DCC: variants seen among roughly 807,000 people sequenced by gnomAD.
The protein encoded by DCC is netrin receptor DCC.
DCC carries 58 observed loss-of-function variants against 172.5 expected under a neutral mutation model. The ratio of observed to expected loss-of-function variants is 0.34; its 90% CI spans 0.27 to 0.42. The LOEUF is 0.42. Ranked by LOEUF, DCC falls within the 10% of genes least tolerant of loss-of-function variation. The pLI is 1.00. For synonymous variants in DCC, 709 were observed against 644.5 expected (o/e 1.10, Z -1.52); for missense variants, 1,740 against 1,791.0 (o/e 0.97, Z 0.51).
At chr18:52,883,372 GTGTGTGTGTGTGTGTGTGTGAGA>G (rs2039520379) in intron 2 of DCC, among the ~76,000 whole-genome samples, 2 of 124,652 alleles carry the variant, frequency 1.6e-5, no homozygotes, top group East Asian at 2.6e-4. Flanking sequence ...GTGTGTGTGT[GTGTGTGTGTGTGTGTGTGTGAGA>G]TCTCTTTCTG....
chr18:53,232,580 C>G (rs899014847), intron 12 of DCC, among the ~76,000 whole-genome samples: 2 of 152,096 alleles, frequency 1.3e-5, no homozygotes, highest in Non-Finnish European at 2.9e-5. Flanking sequence ...TACATTAACC[C>G]CACTGCTACA....
At chr18:52,457,464 C>T (rs1309802241) in intron 1 of DCC, among the ~76,000 whole-genome samples, 1 of 152,144 alleles carries the variant, frequency 6.6e-6, no homozygotes, top group African/African-American at 2.4e-5. Flanking sequence ...GTCACCAACA[C>T]AGTGATGGAA....
intron 5 of DCC, among the ~76,000 whole-genome samples, chr18:53,010,112 G>T (rs1568242416): frequency 6.6e-6 from 1 of 151,850 alleles, no homozygotes; most frequent in Non-Finnish European, 1.5e-5. Flanking sequence ...ATTAATCTCT[G>T]CAAAAATCTA....
At chr18:52,786,785 G>T (rs951126257) in intron 2 of DCC, among the ~76,000 whole-genome samples, 14 of 152,112 alleles carry the variant, frequency 9.2e-5, no homozygotes, top group Non-Finnish European at 4.4e-5. Context: ...TGTGGGGACT[G>T]TGTAGACAAG....
intron 1 of DCC, among the ~76,000 whole-genome samples, chr18:52,422,820 A>G (rs966150318): frequency 3.9e-5 from 6 of 152,170 alleles, no homozygotes; most frequent in African/African-American, 1.2e-4. Context: ...AAGTGAACCC[A>G]AAGAAGGGTG....
At chr18:52,433,946 T>C (rs1987707070) in intron 1 of DCC, among the ~76,000 whole-genome samples, 1 of 152,102 alleles carries the variant, frequency 6.6e-6, no homozygotes, top group Non-Finnish European at 1.5e-5. Context: ...CATAAGACCA[T>C]GGTGGTTAAA....
At chr18:52,736,295 A>AC (rs1568071822) in intron 1 of DCC, among the ~76,000 whole-genome samples, 2 of 151,516 alleles carry the variant, frequency 1.3e-5, no homozygotes, top group African/African-American at 2.4e-5. Context: ...AAAAAAAAAA[A>AC]CAGAAAAATC....
intron 5 of DCC, among the ~76,000 whole-genome samples, chr18:52,991,734 T>C (rs2145623242): frequency 6.6e-6 from 1 of 152,304 alleles, no homozygotes; most frequent in Non-Finnish European, 1.5e-5. Context: ...ATGGTAACAT[T>C]CCTGCTTCTA....
chr18:52,663,021 A>T (rs1233558658), intron 1 of DCC, among the ~76,000 whole-genome samples: 1 of 152,334 alleles, frequency 6.6e-6, no homozygotes, highest in East Asian at 1.9e-4. Context: ...AAACATTCAG[A>T]CCATACCATT....
chr18:53,437,736 C>T (rs560542504), intron 22 of DCC, among the ~76,000 whole-genome samples: 3 of 152,244 alleles, frequency 2.0e-5, no homozygotes, highest in South Asian at 2.1e-4. Context: ...AGCTCACTCT[C>T]GTGCTCCAAA....
intron 9 of DCC, among the ~76,000 whole-genome samples, chr18:53,192,706 G>A (rs2055383944): frequency 6.6e-6 from 1 of 152,312 alleles, no homozygotes; most frequent in South Asian, 2.1e-4. Context: ...AGAGAAGATA[G>A]GGGAAGATGT....
At chr18:53,103,577 C>T (rs1598804881) in intron 7 of DCC, among the ~76,000 whole-genome samples, 1 of 152,032 alleles carries the variant, frequency 6.6e-6, no homozygotes. Flanking sequence ...TGTGCTATGA[C>T]TCTCAATGAA....
chr18:53,482,543 G>C (rs2045845783), intron 25 of DCC, among the ~76,000 whole-genome samples: 1 of 151,974 alleles, frequency 6.6e-6, no homozygotes, highest in Non-Finnish European at 1.5e-5. Context: ...CTCCAAATTT[G>C]TTTGGCTCCA....
At chr18:53,509,815 T>C (rs1428909428) in intron 27 of DCC, among the ~76,000 whole-genome samples, 1 of 152,232 alleles carries the variant, frequency 6.6e-6, no homozygotes, top group Admixed American at 6.5e-5. Context: ...TTCTTTTGTT[T>C]TGTTTTTCAA....
intron 12 of DCC, among the ~76,000 whole-genome samples, chr18:53,220,204 AGTTTT>A (rs765836282): frequency 2.0e-5 from 3 of 152,064 alleles, no homozygotes; most frequent in African/African-American, 4.8e-5. Context: ...GTGTGTATTC[AGTTTT>A]GTTTTGTTTT....
At chr18:53,276,730 A>G (rs1031533054) in intron 12 of DCC, among the ~76,000 whole-genome samples, 9 of 152,160 alleles carry the variant, frequency 5.9e-5, no homozygotes, top group African/African-American at 2.2e-4. Context: ...GGAGCTTGGG[A>G]GAAGAAAGAG....
chr18:53,118,877 C>T (rs930336081), intron 7 of DCC, among the ~76,000 whole-genome samples: 4 of 151,738 alleles, frequency 2.6e-5, no homozygotes, highest in East Asian at 2.0e-4. Context: ...CTAATACACC[C>T]GTAAGGTAGA....
chr18:52,368,827 A>C (rs1259369927), intron 1 of DCC, among the ~76,000 whole-genome samples: 3 of 152,200 alleles, frequency 2.0e-5, no homozygotes, highest in African/African-American at 7.2e-5. Flanking sequence ...ATACCTTGCA[A>C]AATGAAGATA....
At chr18:53,419,340 A>G (rs1910498362) in intron 21 of DCC, among the ~76,000 whole-genome samples, 1 of 152,096 alleles carries the variant, frequency 6.6e-6, no homozygotes, top group Non-Finnish European at 1.5e-5. Flanking sequence ...TATATTATTG[A>G]CTATAGTTAC....
Sources: gnomAD v4.1 joint callset for allele counts (sites outside exome capture counted in the v4.1 genomes callset) on GRCh38, gnomAD v4.1.1 for gene constraint, MANE v1.5 for transcripts, NCBI Gene and HGNC (gene_info 2026-07-23, HGNC 2026-07-21) for gene names.